SUGCT: variants seen among roughly 807,000 people sequenced by gnomAD.
SUGCT encodes succinyl-CoA:glutarate-CoA transferase.
SUGCT carries 41 observed loss-of-function variants against 55.0 expected under a neutral mutation model. The ratio of observed to expected loss-of-function variants is 0.74; its 90% CI spans 0.58 to 0.97. SUGCT has a LOEUF of 0.97. Among genes scored for constraint, SUGCT ranks in the 50% least tolerant of loss-of-function variants. The probability of loss-of-function intolerance (pLI) is 0.00; values close to 1 mark genes in which losing one functional copy is unlikely to be tolerated. For missense variants in SUGCT, 568 were observed against 547.8 expected (o/e 1.04, Z -0.37); for synonymous variants, 187 against 200.4 (o/e 0.93, Z 0.56).
intron 12 of SUGCT, among the ~76,000 whole-genome samples, chr7:40,498,770 C>T (rs1050447409): frequency 6.6e-6 from 1 of 152,028 alleles, no homozygotes; most frequent in African/African-American, 2.4e-5. Context: ...ATGATGGTGC[C>T]CTTTAAGGTT....
chr7:40,312,688 A>G (rs1795224301), intron 8 of SUGCT, among the ~76,000 whole-genome samples: 1 of 152,206 alleles, frequency 6.6e-6, no homozygotes, highest in African/African-American at 2.4e-5. Context: ...GGCAGGAAAT[A>G]TAATCTCTTG....
intron 13 of SUGCT, among the ~76,000 whole-genome samples, chr7:40,826,289 A>G (rs1199294813): frequency 2.0e-5 from 3 of 152,204 alleles, no homozygotes. Context: ...AGGGCAAAGC[A>G]TTTAGTATTC....
At chr7:40,698,916 A>T (rs1584294936) in intron 12 of SUGCT, among the ~76,000 whole-genome samples, 1 of 152,262 alleles carries the variant, frequency 6.6e-6, no homozygotes, top group South Asian at 2.1e-4. Context: ...TTCGGGCTAT[A>T]CCAGAAATTA....
intron 1 of SUGCT, among the ~76,000 whole-genome samples, chr7:40,159,730 G>A (rs1045975141): frequency 3.9e-5 from 6 of 152,130 alleles, no homozygotes; most frequent in Non-Finnish European, 8.8e-5. Flanking sequence ...GAAGGCAGGA[G>A]GTCAGAGAAA....
At chr7:40,466,992 A>G (rs911073421) in intron 11 of SUGCT, among the ~76,000 whole-genome samples, 1 of 151,918 alleles carries the variant, frequency 6.6e-6, no homozygotes, top group African/African-American at 2.4e-5. Flanking sequence ...TCATGAGGTC[A>G]GGAGATCGAG....
At chr7:40,580,783 A>G (rs1389643249) in intron 12 of SUGCT, among the ~76,000 whole-genome samples, 3 of 152,210 alleles carry the variant, frequency 2.0e-5, no homozygotes, top group Admixed American at 2.0e-4. Flanking sequence ...TTTTATGTTT[A>G]GATACACAAA....
At chr7:40,147,671 C>T (rs986606793) in intron 1 of SUGCT, among the ~76,000 whole-genome samples, 17 of 152,174 alleles carry the variant, frequency 1.1e-4, no homozygotes, top group Non-Finnish European at 4.4e-5. Context: ...AGTTTCTCTC[C>T]GCGTTGCTGA....
At chr7:40,884,588 G>T in the SUGCT span, among the ~76,000 whole-genome samples, 1 of 152,218 alleles carries the variant, frequency 6.6e-6, no homozygotes, top group Admixed American at 6.5e-5. Context: ...AGTTTTTCCT[G>T]AATTTTTTCC....
chr7:40,810,386 A>T (rs1274202792), intron 13 of SUGCT, among the ~76,000 whole-genome samples: 1 of 152,180 alleles, frequency 6.6e-6, no homozygotes, highest in African/African-American at 2.4e-5. Context: ...TCCCGCCAAC[A>T]ATGTATAAAT....
In SUGCT at chr7:40,369,384, C is replaced by A. The variant is rs184877090; in HGVS notation, c.816+52529C>A. Among the ~76,000 whole-genome samples the A allele has an allele frequency of 5.9e-5, 9 of 152,210 alleles. No individual in the cohort carries two copies. In the East Asian group the frequency reaches 1.7e-3, roughly 29 times the overall value. ...GAGTTTTTCTTGAAGAAACTGACTC[C>A]TAGTTATGTCTACCATTTTTTTCTA... is the stretch of plus-strand genomic sequence containing the variant. On this transcript the variant is annotated intron_variant, in intron 9 of 13. Coordinates refer to ENST00000335693, the MANE Select transcript of SUGCT (RefSeq NM_001193313.2).
intron 6 of SUGCT, among the ~76,000 whole-genome samples, chr7:40,206,374 T>G (rs577071366): frequency 2.6e-5 from 4 of 152,336 alleles, no homozygotes; most frequent in Admixed American, 2.6e-4. Flanking sequence ...TACCACAACT[T>G]TCAGCCTTTT....
chr7:40,463,180 T>G (rs935541917), intron 11 of SUGCT, among the ~76,000 whole-genome samples: 7 of 152,228 alleles, frequency 4.6e-5, no homozygotes, highest in Non-Finnish European at 7.3e-5. Context: ...CTGATATTTT[T>G]ATTTTAGAAA....
At chr7:40,983,731 A>C in the SUGCT span, among the ~76,000 whole-genome samples, 3 of 152,220 alleles carry the variant, frequency 2.0e-5, no homozygotes, top group African/African-American at 7.2e-5. Context: ...CTGTCTATGA[A>C]CATAGAAAAT....
At chr7:40,584,742 C>T (rs113130094) in intron 12 of SUGCT, among the ~76,000 whole-genome samples, 1 of 152,166 alleles carries the variant, frequency 6.6e-6, no homozygotes. Flanking sequence ...TGTTCCAAAT[C>T]CCATGTTGTA....
chr7:40,791,580 A>T (rs1199330343), intron 13 of SUGCT, among the ~76,000 whole-genome samples: 1 of 152,170 alleles, frequency 6.6e-6, no homozygotes, highest in Non-Finnish European at 1.5e-5. Context: ...TAGGAGAAAG[A>T]TGATAGTTTG....
intron 6 of SUGCT, among the ~76,000 whole-genome samples, chr7:40,222,045 G>C (rs1788051563): frequency 1.3e-5 from 2 of 152,226 alleles, no homozygotes; most frequent in Non-Finnish European, 2.9e-5. Context: ...CTGTGGATTG[G>C]GGTAAGAGAG....
chr7:40,284,316 A>T (rs1793169567), intron 8 of SUGCT, among the ~76,000 whole-genome samples: 1 of 152,066 alleles, frequency 6.6e-6, no homozygotes, highest in South Asian at 2.1e-4. Flanking sequence ...CAAGTATATG[A>T]GGTGATGAAG....
intron 12 of SUGCT, among the ~76,000 whole-genome samples, chr7:40,725,308 G>A (rs1035605874): frequency 3.9e-5 from 6 of 152,088 alleles, no homozygotes; most frequent in African/African-American, 9.7e-5. Flanking sequence ...TATTTTGAAT[G>A]AATAAATGAA....
At chr7:40,308,684 A>G (rs1794966968) in intron 8 of SUGCT, among the ~76,000 whole-genome samples, 3 of 152,124 alleles carry the variant, frequency 2.0e-5, no homozygotes, top group Admixed American at 2.0e-4. Context: ...AGCATATTAA[A>G]GTCTTCTAAC....
Sources: allele counts gnomAD v4.1 joint callset (sites outside exome capture counted in the v4.1 genomes callset), GRCh38; gene constraint gnomAD v4.1.1; transcripts MANE v1.5; gene names NCBI Gene and HGNC (gene_info 2026-07-23, HGNC 2026-07-21).